Variants in CD80 observed in about 807,000 individuals in gnomAD.
CD80 encodes the protein T-lymphocyte activation antigen CD80.
In CD80, 13 loss-of-function variants were observed where a neutral mutation model predicts 27.1. The ratio of observed to expected loss-of-function variants is 0.48; its 90% CI spans 0.31 to 0.76. The LOEUF (loss-of-function observed/expected upper bound fraction) is 0.76. CD80 is among the 30% of genes least tolerant of loss of function. The pLI, the probability that CD80 is intolerant of heterozygous loss-of-function variation, is 0.04. For missense variants in CD80, 277 were observed against 347.9 expected (o/e 0.80, Z 1.62); for synonymous variants, 125 against 125.5 (o/e 1.00, Z 0.03).
chr3:119,557,023 A>G (rs1217124510), intron 2 of CD80, among the ~76,000 whole-genome samples: 3 of 152,190 alleles, frequency 2.0e-5, no homozygotes, highest in Non-Finnish European at 4.4e-5. Context: ...ATAACTAAAA[A>G]CATAATTTTG....
chr3:119,552,210 C>T (rs71325386), intron 2 of CD80, among the ~76,000 whole-genome samples: 3 of 152,170 alleles, frequency 2.0e-5, no homozygotes, highest in Admixed American at 1.3e-4. Flanking sequence ...ACCTCTCGGC[C>T]GGGCGTGGTG....
At chr3:119,557,152 T>C (rs145841525) in intron 2 of CD80, among the ~76,000 whole-genome samples, 1 of 152,280 alleles carries the variant, frequency 6.6e-6, no homozygotes, top group East Asian at 1.9e-4. Context: ...AGAAGATGAA[T>C]GTCATTAAGA....
chr3:119,556,872 G>A (rs1474683536), intron 2 of CD80, among the ~76,000 whole-genome samples: 1 of 152,008 alleles, frequency 6.6e-6, no homozygotes, highest in Non-Finnish European at 1.5e-5. Flanking sequence ...GAACCATCCT[G>A]CCAGCAGGGA....
Position 119,525,378 on chromosome 3 carries a change from CAT to C in CD80, c.*408_*409del, listed in dbSNP as rs1412253382. On this transcript the variant is annotated 3_prime_UTR_variant, in exon 7 of 7. Coordinates refer to ENST00000264246, the MANE Select transcript of CD80 (RefSeq NM_005191.4). ...CTACTTCCAGCAGCACTTTGCCTGA[CAT>C]ATATATGTATATACCAGTTAACAGG... 1 of 152,150 alleles carries C rather than the reference CAT, an allele frequency of 6.6e-6. No individual in the cohort carries two copies. The highest frequency in any genetic ancestry group is 2.4e-5 in the African/African-American group (1 of 41,416). The allele number at this position is 152,150 out of a possible 1,614,324, so 9.4% of individuals were successfully genotyped here. A position where few individuals can be genotyped will look rare whatever the true frequency, so the allele number is the denominator to read the frequency against.
chr3:119,545,760 C>T (rs2082199637), intron 2 of CD80, among the ~76,000 whole-genome samples: 9 of 151,292 alleles, frequency 5.9e-5, no homozygotes, highest in Admixed American at 5.9e-4. Flanking sequence ...ATTTTGTTTG[C>T]CCATTCATCT....
chr3:119,540,468 G>A (rs957665704), intron 3 of CD80, among the ~76,000 whole-genome samples: 4 of 151,916 alleles, frequency 2.6e-5, no homozygotes, highest in Non-Finnish European at 5.9e-5. Context: ...TTGTTTCAAT[G>A]AACCCTGTCC....
chr3:119,543,458 T>G (rs886115672), intron 3 of CD80, among the ~76,000 whole-genome samples: 1 of 149,098 alleles, frequency 6.7e-6, no homozygotes, highest in African/African-American at 2.5e-5. Context: ...TCCTCTGTAG[T>G]CTACTTTTTT....
chr3:119,534,495 A>C (rs2082126407), intron 4 of CD80, among the ~76,000 whole-genome samples: 1 of 152,204 alleles, frequency 6.6e-6, no homozygotes, highest in African/African-American at 2.4e-5. Flanking sequence ...AGTTGTTGCA[A>C]CAGAGACTGT....
At chr3:119,537,009 A>G (rs1553782338) in intron 4 of CD80, 128 bp downstream of exon 4, 5 of 864,870 alleles carry the variant, frequency 5.8e-6, no homozygotes, top group Non-Finnish European at 9.2e-6. Context: ...ATACACTCTG[A>G]TGTTCAGACA....
At chr3:119,554,331 T>A (rs962345074) in intron 2 of CD80, among the ~76,000 whole-genome samples, 2 of 152,166 alleles carry the variant, frequency 1.3e-5, no homozygotes, top group Non-Finnish European at 2.9e-5. Context: ...TTATAGGCAA[T>A]GCTTTTCCTA....
intron 2 of CD80, among the ~76,000 whole-genome samples, chr3:119,553,165 A>C: frequency 6.7e-6 from 1 of 148,268 alleles, no homozygotes; most frequent in East Asian, 2.0e-4. Context: ...ACTGAGGCAG[A>C]GTCTCGCTCT....
In CD80 at chr3:119,559,607, GA is replaced by G. The variant is rs1322482641; in HGVS notation, c.-369del. 1 of 152,194 alleles carries G rather than the reference GA, an allele frequency of 6.6e-6. No homozygotes were observed. Among genetic ancestry groups the G allele is most frequent in the Non-Finnish European group, 1.5e-5 (1 of 68,046 alleles). 9.4% of individuals were successfully genotyped at this position (152,194 alleles called of 1,614,324 possible). On this transcript the variant is annotated 5_prime_UTR_variant, in exon 1 of 7. Transcript: ENST00000264246. ...CCCTTCTAACTTCTGTTACTTTACA[GA>G]GGGTTTGAGTTCACTCAGTACTTGT... is the stretch of plus-strand genomic sequence containing the variant.
chr3:119,541,821 G>A (rs548274513), intron 3 of CD80, among the ~76,000 whole-genome samples: 4 of 152,212 alleles, frequency 2.6e-5, no homozygotes, highest in East Asian at 3.9e-4. Flanking sequence ...ACACACCCTC[G>A]GTTCTGAGTA....
intron 2 of CD80, 31 bp from the exon 3 acceptor site, chr3:119,544,898 T>C (rs376720196): frequency 3.5e-5 from 55 of 1,571,072 alleles, no homozygotes; most frequent in Non-Finnish European, 4.7e-5. Flanking sequence ...CAAGATTGTA[T>C]ATTTATTAAA....
At chr3:119,541,050 A>C (rs1471509439) in intron 3 of CD80, among the ~76,000 whole-genome samples, 1 of 97,982 alleles carries the variant, frequency 1.0e-5, no homozygotes, top group African/African-American at 4.9e-5. Context: ...ACTCCATCTC[A>C]AAAAAAAAAA....
chr3:119,549,542 C>T (rs185759179), intron 2 of CD80, among the ~76,000 whole-genome samples: 19 of 152,290 alleles, frequency 1.2e-4, no homozygotes, highest in African/African-American at 4.3e-4. Context: ...AGACCCATGT[C>T]TAGGGACTTC....
chr3:119,530,611 T>C (rs561911063), intron 4 of CD80, among the ~76,000 whole-genome samples: 1 of 151,306 alleles, frequency 6.6e-6, no homozygotes, highest in Admixed American at 6.6e-5. Flanking sequence ...GAAATGAGGG[T>C]GGGGAGGAGA....
intron 2 of CD80, among the ~76,000 whole-genome samples, chr3:119,552,985 G>A (rs941218744): frequency 4.6e-5 from 7 of 152,098 alleles, no homozygotes; most frequent in Admixed American, 1.3e-4. Flanking sequence ...GCAAATAGGC[G>A]CAGGTTTCTT....
At chr3:119,551,018 A>G (rs1054578578) in intron 2 of CD80, among the ~76,000 whole-genome samples, 1 of 152,156 alleles carries the variant, frequency 6.6e-6, no homozygotes, top group Non-Finnish European at 1.5e-5. Flanking sequence ...ATATTTTTAC[A>G]ACTGTGATGT....
Sources: allele counts gnomAD v4.1 joint callset (sites outside exome capture counted in the v4.1 genomes callset), GRCh38; gene constraint gnomAD v4.1.1; transcripts MANE v1.5; gene names NCBI Gene and HGNC (gene_info 2026-07-23, HGNC 2026-07-21).